TSR1: variants seen among roughly 807,000 people sequenced by gnomAD.
TSR1 encodes pre-rRNA-processing protein TSR1 homolog.
A neutral mutation model predicts 90.9 loss-of-function variants in TSR1; 81 were observed. That is an observed-to-expected ratio of 0.89 (90% CI 0.74 to 1.07). TSR1 has a LOEUF of 1.07. TSR1 is among the 50% of genes least tolerant of loss of function. The pLI is 0.00. For synonymous variants in TSR1, 362 were observed against 348.8 expected (o/e 1.04, Z -0.42); for missense variants, 989 against 987.3 (o/e 1.00, Z -0.02).
rs780710143 is a variant in TSR1, at chr17:2,330,470, G to C, written c.1770+45C>G. On this transcript the variant is annotated intron_variant, in intron 10 of 14. Coordinates refer to ENST00000301364, the MANE Select transcript of TSR1 (RefSeq NM_018128.5). ...GAATTTTAGACTGTCAGAAGCAGCT[G>C]GAAAGTTTCACAACCCCCCATTTTC... 5.8e-6 allele frequency: 9 copies of C among 1,559,910 alleles called. No individual in the cohort carries two copies. In the Admixed American group the frequency reaches 1.5e-4, roughly 26 times the overall value.
chr17:2,324,639 C>G, intron 13 of TSR1, 50 bp downstream of exon 13: 1 of 1,614,012 alleles, frequency 6.2e-7, no homozygotes, highest in Non-Finnish European at 8.5e-7. Flanking sequence ...GTAAACCCAA[C>G]CTTTATACCA....
chr17:2,335,352 G>A lies in TSR1; in HGVS notation c.464C>T (p.Thr155Ile). ...TAGTGGATCAAGGAGGAACAGGATG[G>A]TATCAGCTACTTTAGCCATGTCTAA... is the stretch of plus-strand genomic sequence containing the variant. ...VVLDMAKVAD[T>I]ILFLLDPLEG... The change falls in exon 4 of 15, where the codon ACC becomes ATC. Residue 155 changes from threonine (T) to isoleucine (I), a missense_variant. Physicochemically the swap from Thr to Ile is moderately conservative, Grantham distance 89. Coordinates refer to ENST00000301364, the MANE Select transcript of TSR1 (RefSeq NM_018128.5). 2.5e-6 allele frequency: 4 copies of A among 1,613,644 alleles called. No individual in the cohort carries two copies. The highest frequency in any genetic ancestry group is 3.4e-6 in the Non-Finnish European group (4 of 1,179,988).
In TSR1 at chr17:2,332,215, A is replaced by G; in HGVS notation, c.1450T>C (p.Phe484Leu). 1 of 1,613,808 alleles carries G rather than the reference A, an allele frequency of 6.2e-7. No individual in the cohort carries two copies. The highest frequency in any genetic ancestry group is 8.5e-7 in the Non-Finnish European group (1 of 1,179,942). Residue 484 changes from phenylalanine to leucine, a missense_variant, in exon 8 of 15, where the codon TTT becomes CTT. Phe to Leu is a conservative substitution (Grantham distance 22). Transcript: ENST00000301364. ...CGGGGCGTGTCCACTTCATCTGGAA[A>G]CATCTCTTCCAGTCTTTCTTGTTTA... ...KYKQERLEEMFPDEVDTPRDV... is the reference protein window; with the variant it reads ...KYKQERLEEMLPDEVDTPRDV...
Position 2,336,333 on chromosome 17 carries a change from T to G in TSR1, c.95A>C (p.Lys32Thr), listed in dbSNP as rs1295852957. The G allele has an allele frequency of 6.2e-7, 1 of 1,614,184 alleles. No individual in the cohort carries two copies. The highest frequency in any genetic ancestry group is 8.5e-7 in the Non-Finnish European group (1 of 1,180,046). The change falls in exon 1 of 15, where the codon AAG (lysine) becomes ACG (threonine). Residue 32 changes from lysine (K) to threonine (T), a missense_variant and splice_region_variant. Lys to Thr is a moderately conservative substitution (Grantham distance 78). Transcript: ENST00000301364. ...RGRGSAQRDG[K>T]GRLALKTLSK... ...TTCCTTCTACGTTATCTCCTTACCC[T>G]TGCCGTCCCGCTGTGCAGATCCCCG...
chr17:2,330,469 T>C (rs370540209), intron 10 of TSR1, 46 bp downstream of exon 10: 7 of 1,558,976 alleles, frequency 4.5e-6, no homozygotes, highest in African/African-American at 1.4e-5. Context: ...CAGAAGCAGC[T>C]GGAAAGTTTC....
rs1289284003 is a variant in TSR1 at position 2,333,582 on chromosome 17, A to C, written c.1116T>G (p.Thr372=). Residue 372 remains threonine (T), a synonymous_variant, in exon 6 of 15, where the codon ACT becomes ACG. Coordinates refer to ENST00000301364, the MANE Select transcript of TSR1 (RefSeq NM_018128.5). ...CCTTTGCCTCGCTCAGCTCCTCCTCAGTGGGCCAGGTTTGCTCTCCCTCCA... is the reference window on the plus strand; with the variant it reads ...CCTTTGCCTCGCTCAGCTCCTCCTCCGTGGGCCAGGTTTGCTCTCCCTCCA... ...DPMEGEQTWP[T]EEELSEAKDF... is the part of the protein sequence containing the mutation. 3 of 1,614,080 alleles carry C rather than the reference A, an allele frequency of 1.9e-6. No homozygotes were observed. The East Asian group carries it at 6.7e-5, about 36-fold the overall frequency.
intron 11 of TSR1, among the ~76,000 whole-genome samples, chr17:2,327,383 C>T (rs1030334915): frequency 6.7e-6 from 1 of 149,670 alleles, no homozygotes; most frequent in Admixed American, 6.7e-5. Flanking sequence ...TGTTACTGCA[C>T]TCCAGCCTTG....
chr17:2,335,108 G>T, intron 4 of TSR1, 152 bp downstream of exon 4: 1 of 1,058,006 alleles, frequency 9.5e-7, no homozygotes, highest in Non-Finnish European at 1.3e-6. Context: ...AAGACACCCT[G>T]AGTGATAATC....
Position 2,332,227 on chromosome 17 carries a change from G to A in TSR1, c.1438C>T (p.Leu480=). The part of the protein sequence containing the change: ...KMLEKYKQER[L]EEMFPDEVDT... The stretch of plus-strand genomic sequence containing the variant: ...ACTTCATCTGGAAACATCTCTTCCA[G>A]TCTTTCTTGTTTATATTTCTCCAAC... Residue 480 remains leucine, a synonymous_variant, in exon 8 of 15, where the codon CTG becomes TTG. Coordinates refer to ENST00000301364, the MANE Select transcript of TSR1 (RefSeq NM_018128.5). The A allele has an allele frequency of 6.2e-7, 1 of 1,613,910 alleles. No homozygotes were observed. The highest frequency in any genetic ancestry group is 8.5e-7 in the Non-Finnish European group (1 of 1,179,980).
At position 2,336,137 on chromosome 17, in the gene TSR1, C is replaced by T. The variant is rs199644073; in HGVS notation, c.101G>A (p.Arg34His). The part of the protein sequence containing the change: ...RGSAQRDGKG[R>H]LALKTLSKKV... Reference sequence around the variant, plus strand: ...CTTGCTTAGGGTTTTCAGTGCCAGACGGCCTGAATGGCAGATTAGAAGGGG... The same window carrying T: ...CTTGCTTAGGGTTTTCAGTGCCAGATGGCCTGAATGGCAGATTAGAAGGGG... The change falls in exon 2 of 15, where the codon CGT (arginine) becomes CAT (histidine). Residue 34 changes from arginine (R) to histidine (H), a missense_variant. Arg to His is a conservative substitution (Grantham distance 29). Coordinates refer to ENST00000301364, the MANE Select transcript of TSR1 (RefSeq NM_018128.5). 1 of 1,614,108 alleles carries T rather than the reference C, an allele frequency of 6.2e-7. No homozygotes were observed. The highest frequency in any genetic ancestry group is 8.5e-7 in the Non-Finnish European group (1 of 1,179,950).
chr17:2,333,740 G>A, intron 5 of TSR1, 24 bp from the exon 6 acceptor site: 1 of 1,613,446 alleles, frequency 6.2e-7, no homozygotes, highest in Non-Finnish European at 8.5e-7. Flanking sequence ...GCAGGTGATA[G>A]TCAACCATGA....
chr17:2,327,924 TA>T (rs907305419), intron 11 of TSR1, among the ~76,000 whole-genome samples: 27 of 146,710 alleles, frequency 1.8e-4, no homozygotes, highest in East Asian at 5.9e-4. Context: ...TAGTTCATCC[TA>T]AAAAAAAAAA....
intron 5 of TSR1, 133 bp downstream of exon 5, chr17:2,334,339 A>G (rs931599238): frequency 1.0e-6 from 1 of 952,784 alleles, no homozygotes; most frequent in Admixed American, 2.4e-5. Flanking sequence ...CAACCTATTT[A>G]TAACTGACTA....
rs2064019528 is a variant in TSR1 at position 2,333,070 on chromosome 17, C to G, written c.1196G>C (p.Ser399Thr). 4.3e-6 allele frequency: 7 copies of G among 1,614,180 alleles called. No homozygotes were observed. In the East Asian group the frequency reaches 1.6e-4, roughly 36 times the overall value. ...ATCCAAAATCCATTCAGCTTGGTAA[C>G]TGGATGTTCCTTTGGGGACCTTCTT... ...VVKKVPKGTSSYQAEWILDGG... is the reference protein window; with the variant it reads ...VVKKVPKGTSTYQAEWILDGG... Residue 399 changes from serine (S) to threonine (T), a missense_variant, in exon 7 of 15, where the codon AGT becomes ACT. Coordinates refer to ENST00000301364, the MANE Select transcript of TSR1 (RefSeq NM_018128.5).
intron 9 of TSR1, 39 bp downstream of exon 9, chr17:2,330,908 A>G (rs1423200705): frequency 1.3e-6 from 2 of 1,540,658 alleles, no homozygotes; most frequent in Non-Finnish European, 1.7e-6. Flanking sequence ...ATGTTGACAA[A>G]TGAAAGCAAC....
intron 1 of TSR1, 58 bp from the exon 2 acceptor site, chr17:2,336,198 A>G: frequency 6.2e-7 from 1 of 1,600,214 alleles, no homozygotes; most frequent in South Asian, 1.1e-5. Context: ...AAGAAAAGGG[A>G]CTCCTCTCCG....
At chr17:2,327,410 CTA>C (rs2075581694) in intron 11 of TSR1, among the ~76,000 whole-genome samples, 1 of 121,872 alleles carries the variant, frequency 8.2e-6, no homozygotes, top group African/African-American at 3.3e-5. Context: ...GAGTTGGACT[CTA>C]TATCAAAAAA....
chr17:2,324,451 T>G (rs550241732), intron 14 of TSR1, 53 bp downstream of exon 14: 3 of 1,613,202 alleles, frequency 1.9e-6, no homozygotes, highest in East Asian at 4.5e-5. Context: ...CCAACAGTCA[T>G]TTAGCAACAC....
Position 2,330,381 on chromosome 17 carries a change from A to G in TSR1, c.1770+134T>C, listed in dbSNP as rs191577145. Reference sequence around the variant, plus strand: ...TCATTGACTTCTCTATTATTCTCCAATTCCTAATCATAAAGGCAGACTTTT... The same window carrying G: ...TCATTGACTTCTCTATTATTCTCCAGTTCCTAATCATAAAGGCAGACTTTT... On this transcript the variant is annotated intron_variant, in intron 10 of 14. Transcript: ENST00000301364. 7.8e-4 allele frequency: 629 copies of G among 802,140 alleles called. 2 individuals are homozygous for G. The African/African-American group carries it at 9.6e-3, about 12-fold the overall frequency. The allele number at this position is 802,140 out of a possible 1,614,324, so 49.7% of individuals were successfully genotyped here.
Sources: allele counts gnomAD v4.1 joint callset (sites outside exome capture counted in the v4.1 genomes callset), GRCh38; gene constraint gnomAD v4.1.1; transcripts MANE v1.5; gene names NCBI Gene and HGNC (gene_info 2026-07-23, HGNC 2026-07-21).